Variants in TMCO4 observed in about 807,000 individuals in gnomAD.
The protein encoded by TMCO4 is transmembrane and coiled-coil domains 4, also known as transmembrane and coiled-coil domain-containing protein 4.
Under a neutral mutation model 64.7 loss-of-function variants are expected in TMCO4, and 58 were observed. The ratio of observed to expected loss-of-function variants is 0.90; its 90% confidence interval spans 0.73 to 1.12. TMCO4 has a LOEUF of 1.12. TMCO4 is among the 50% of genes most tolerant of loss of function. TMCO4 has a pLI of 0.00. For synonymous variants in TMCO4, 325 were observed against 346.1 expected, an observed-to-expected ratio of 0.94 and a Z score of 0.68; for missense variants, 780 against 825.9, an observed-to-expected ratio of 0.94 and a Z score of 0.68.
chr1:19,745,729 A>T, intron 9 of TMCO4, 78 bp from the exon 10 acceptor site: 2 of 1,516,352 alleles, frequency 1.3e-6, no homozygotes, highest in African/African-American at 1.4e-5. Flanking sequence ...ATGTTCTCAC[A>T]CATGCACACA....
Position 19,703,297 on chromosome 1 carries a change from G to A in TMCO4, c.1265-2412C>T, listed in dbSNP as rs148673264. 1.1e-3 allele frequency among the ~76,000 whole-genome samples: 169 copies of A among 152,258 alleles called. 1 individual carries two copies. Among genetic ancestry groups the A allele is most frequent in the African/African-American group, 3.9e-3 (161 of 41,538 alleles). On this transcript the variant is annotated intron_variant, in intron 13 of 15. Coordinates refer to ENST00000294543, the MANE Select transcript of TMCO4 (RefSeq NM_181719.7). ...AGAGGATGATGATGCTGGCCTTATA[G>A]GGTCTTTATGAGGATTAAGTCACAT...
At chr1:19,730,065 G>A (rs11799412) in intron 13 of TMCO4, among the ~76,000 whole-genome samples, 21,586 of 152,212 alleles carry the variant, frequency 0.14, 1,630 homozygotes, top group Middle Eastern at 0.2. Flanking sequence ...AAGGTAATAA[G>A]CTGTTTACCA....
At chr1:19,742,017 C>T (rs2095481559) in intron 10 of TMCO4, among the ~76,000 whole-genome samples, 1 of 151,936 alleles carries the variant, frequency 6.6e-6, no homozygotes, top group African/African-American at 2.4e-5. Context: ...GAATTATAGG[C>T]GTGAACCACT....
intron 13 of TMCO4, among the ~76,000 whole-genome samples, chr1:19,736,570 T>C (rs1339232583): frequency 1.3e-5 from 2 of 152,112 alleles, no homozygotes; most frequent in Non-Finnish European, 2.9e-5. Context: ...CCACTCCAAG[T>C]GCCCCAGGCT....
At chr1:19,684,201 T>C (rs1055873246) in intron 15 of TMCO4, among the ~76,000 whole-genome samples, 4 of 150,446 alleles carry the variant, frequency 2.7e-5, no homozygotes, top group African/African-American at 4.9e-5. Context: ...GGTACAACCA[T>C]AGCTCACTGC....
At chr1:19,742,927 G>A (rs972137571) in intron 10 of TMCO4, among the ~76,000 whole-genome samples, 2 of 152,160 alleles carry the variant, frequency 1.3e-5, no homozygotes, top group African/African-American at 4.8e-5. Flanking sequence ...GCACATGCCT[G>A]TAATCCCAGC....
chr1:19,756,231 AGAGT>A (rs945766267), intron 6 of TMCO4, among the ~76,000 whole-genome samples: 2 of 152,204 alleles, frequency 1.3e-5, no homozygotes, highest in Non-Finnish European at 2.9e-5. Flanking sequence ...CCTGGGCGAC[AGAGT>A]GAGACCCTGT....
chr1:19,766,575 ACACT>A, intron 6 of TMCO4, among the ~76,000 whole-genome samples: 1 of 152,128 alleles, frequency 6.6e-6, no homozygotes, highest in South Asian at 2.1e-4. Context: ...CACCCCAGCA[ACACT>A]CACAGCCCGT....
intron 13 of TMCO4, among the ~76,000 whole-genome samples, chr1:19,719,624 G>A (rs1426741395): frequency 6.6e-6 from 1 of 152,004 alleles, no homozygotes; most frequent in Non-Finnish European, 1.5e-5. Flanking sequence ...GAGCTCCTGG[G>A]CTCAAATGAT....
At chr1:19,781,473 A>C (rs1467000076) in intron 3 of TMCO4, among the ~76,000 whole-genome samples, 1 of 151,684 alleles carries the variant, frequency 6.6e-6, no homozygotes, top group Non-Finnish European at 1.5e-5. Context: ...TAAAAAAAAA[A>C]AAAACCCAAT....
intron 13 of TMCO4, among the ~76,000 whole-genome samples, chr1:19,702,472 G>A (rs1166590618): frequency 1.3e-5 from 2 of 152,088 alleles, no homozygotes; most frequent in Non-Finnish European, 2.9e-5. Context: ...GCAAAAGCCT[G>A]TAATCCCAGC....
At chr1:19,749,675 A>T (rs966613144) in intron 7 of TMCO4, among the ~76,000 whole-genome samples, 1 of 152,152 alleles carries the variant, frequency 6.6e-6, no homozygotes, top group Non-Finnish European at 1.5e-5. Flanking sequence ...GACAACTGGT[A>T]GAATCTTTAA....
intron 7 of TMCO4, among the ~76,000 whole-genome samples, chr1:19,750,657 C>T (rs1392259293): frequency 6.6e-6 from 1 of 152,160 alleles, no homozygotes; most frequent in East Asian, 1.9e-4. Flanking sequence ...GTGTCCTGAT[C>T]CCTCTCTCCC....
At chr1:19,795,487 T>C (rs191559985) in intron 2 of TMCO4, among the ~76,000 whole-genome samples, 171 of 151,744 alleles carry the variant, frequency 1.1e-3, no homozygotes, top group Non-Finnish European at 2.2e-3. Flanking sequence ...AGTAAATAAA[T>C]AAAAAATAAA....
In TMCO4 at chr1:19,792,866, G is replaced by A. The variant is rs1284335957; in HGVS notation, c.-101+5271C>T. Among the ~76,000 whole-genome samples, 4 of 149,182 alleles carry A rather than the reference G, an allele frequency of 2.7e-5. No individual in the cohort carries two copies. In the East Asian group the frequency reaches 8.1e-4, roughly 30 times the overall value. On this transcript the variant is annotated intron_variant, in intron 2 of 15. Coordinates refer to ENST00000294543, the MANE Select transcript of TMCO4 (RefSeq NM_181719.7). ...GCTCACTGCAACCTCCACTTCCTGG[G>A]TTCAAGCAATTCTCCTGTCTCAGCC...
chr1:19,763,774 T>A (rs2100985932), intron 6 of TMCO4, among the ~76,000 whole-genome samples: 1 of 152,318 alleles, frequency 6.6e-6, no homozygotes, highest in African/African-American at 2.4e-5. Context: ...ATGAATTATT[T>A]CCCATATAAA....
rs765759491 is a variant in TMCO4, at chr1:19,700,888, G to A, written c.1265-3C>T. On this transcript the variant is annotated splice_polypyrimidine_tract_variant and splice_region_variant and intron_variant, in intron 13 of 15. Transcript: ENST00000294543. ...GTCCTCGATGATTCCTTGGCAATCT[G>A]GCAAAAGACCCCAGAAAAGGCCGTC... 9.3e-6 allele frequency: 15 copies of A among 1,613,758 alleles called. No homozygotes were observed. The highest frequency in any genetic ancestry group is 1.3e-5 in the Non-Finnish European group (15 of 1,179,758).
intron 4 of TMCO4, among the ~76,000 whole-genome samples, chr1:19,778,685 G>T (rs1456981656): frequency 6.6e-6 from 1 of 152,338 alleles, no homozygotes; most frequent in South Asian, 2.1e-4. Context: ...ACATGAGACT[G>T]GAAAGTGGCA....
chr1:19,728,741 T>C (rs529260088), intron 13 of TMCO4, among the ~76,000 whole-genome samples: 4 of 152,252 alleles, frequency 2.6e-5, no homozygotes, highest in South Asian at 4.1e-4. Flanking sequence ...CATCCAACAC[T>C]GGGGTTCTCA....
Sources: gnomAD v4.1 joint callset for allele counts (sites outside exome capture counted in the v4.1 genomes callset) on GRCh38, gnomAD v4.1.1 for gene constraint, MANE v1.5 for transcripts, NCBI Gene and HGNC (gene_info 2026-07-23, HGNC 2026-07-21) for gene names.